DAB1: variants seen among roughly 807,000 people sequenced by gnomAD.
DAB1 encodes the protein DAB adaptor protein 1, also known as disabled homolog 1.
Under a neutral mutation model 64.6 loss-of-function variants are expected in DAB1, and 15 were observed. The ratio of observed to expected loss-of-function variants is 0.23; its 90% CI spans 0.16 to 0.36. The LOEUF is 0.36. Ranked by LOEUF, DAB1 falls within the 10% of genes least tolerant of loss-of-function variation. DAB1 has a pLI of 1.00. For synonymous variants in DAB1, 235 were observed against 251.9 expected (o/e 0.93, Z 0.64); for missense variants, 596 against 706.7 (o/e 0.84, Z 1.78).
intron 3 of DAB1, among the ~76,000 whole-genome samples, chr1:58,404,995 CT>C (rs1161800638): frequency 6.6e-6 from 1 of 152,204 alleles, no homozygotes; most frequent in Non-Finnish European, 1.5e-5. Flanking sequence ...ATTGAGCATC[CT>C]AATCCCCTGT....
intron 2 of DAB1, among the ~76,000 whole-genome samples, chr1:57,153,120 G>A (rs1659853300): frequency 6.6e-6 from 1 of 152,082 alleles, no homozygotes; most frequent in African/African-American, 2.4e-5. Flanking sequence ...CTGCCTCCCG[G>A]GTTCGAGCGA....
At chr1:57,622,489 A>G (rs1645871772) in intron 7 of DAB1, among the ~76,000 whole-genome samples, 1 of 152,234 alleles carries the variant, frequency 6.6e-6, no homozygotes, top group South Asian at 2.1e-4. Context: ...TGACTTAATG[A>G]TAACATATGG....
At chr1:58,420,027 A>T (rs1342819369) in intron 3 of DAB1, among the ~76,000 whole-genome samples, 1 of 152,272 alleles carries the variant, frequency 6.6e-6, no homozygotes, top group East Asian at 1.9e-4. Flanking sequence ...TTCCTATGTA[A>T]TCATTTCCTG....
chr1:57,537,942 A>AG (rs1644749713), intron 7 of DAB1, among the ~76,000 whole-genome samples: 1 of 152,004 alleles, frequency 6.6e-6, no homozygotes, highest in African/African-American at 2.4e-5. Context: ...AGAGAAGGCT[A>AG]GGGGGGCATG....
Position 58,300,606 on chromosome 1 carries a change from A to AAG in DAB1, n.309+42744_309+42745dup, listed in dbSNP as rs1557726053. Among the ~76,000 whole-genome samples, 169 of 38,014 alleles carry AAG rather than the reference A, an allele frequency of 4.4e-3. 3 individuals carry two copies. Among genetic ancestry groups the AAG allele is most frequent in the African/African-American group, 0.013 (163 of 12,084 alleles). The allele number at this position is 38,014 out of a possible 152,430, so 24.9% of individuals were successfully genotyped here. ...AAAGAAAGAAAGAAAGAAAGAAAGA[A>AAG]AGAAAGAGAGAGAGAGAGAGAGAGA... On this transcript the variant is annotated intron_variant and non_coding_transcript_variant, in intron 4 of 20. Transcript: ENST00000485760.
chr1:57,034,186 A>C (rs1421230424), intron 9 of DAB1, among the ~76,000 whole-genome samples: 1 of 150,576 alleles, frequency 6.6e-6, no homozygotes, highest in Non-Finnish European at 1.5e-5. Flanking sequence ...AAGCTGAGGC[A>C]GGAGAATCAC....
At chr1:57,086,592 A>G (rs1294433594) in intron 4 of DAB1, among the ~76,000 whole-genome samples, 1 of 151,810 alleles carries the variant, frequency 6.6e-6, no homozygotes, top group African/African-American at 2.4e-5. Flanking sequence ...TCCGTGACCC[A>G]CAGAAATTCA....
chr1:57,633,579 T>C (rs1303820323), intron 7 of DAB1, among the ~76,000 whole-genome samples: 2 of 152,204 alleles, frequency 1.3e-5, no homozygotes, highest in African/African-American at 2.4e-5. Flanking sequence ...AGGTGTCCCA[T>C]ATATTTTCTA....
At chr1:58,354,983 G>T (rs569366556) in intron 3 of DAB1, among the ~76,000 whole-genome samples, 2 of 152,104 alleles carry the variant, frequency 1.3e-5, no homozygotes, top group African/African-American at 4.8e-5. Flanking sequence ...TTACCTGGAC[G>T]AGGTCCAGCT....
At chr1:57,271,386 T>C (rs1199864844) in intron 2 of DAB1, among the ~76,000 whole-genome samples, 1 of 152,240 alleles carries the variant, frequency 6.6e-6, no homozygotes, top group African/African-American at 2.4e-5. Flanking sequence ...CAACTGGTTT[T>C]GGCAGGATGA....
At chr1:58,402,469 G>T (rs1210255347) in intron 3 of DAB1, among the ~76,000 whole-genome samples, 1 of 152,198 alleles carries the variant, frequency 6.6e-6, no homozygotes, top group Non-Finnish European at 1.5e-5. Context: ...TGCAATGGAA[G>T]AGAAAGACAG....
At chr1:57,893,291 C>T (rs1350253824) in intron 5 of DAB1, among the ~76,000 whole-genome samples, 2 of 152,114 alleles carry the variant, frequency 1.3e-5, no homozygotes, top group African/African-American at 4.8e-5. Context: ...CAGTCATTTA[C>T]TAACAACCCA....
intron 2 of DAB1, among the ~76,000 whole-genome samples, chr1:58,506,985 G>T (rs866342612): frequency 3.3e-5 from 5 of 152,000 alleles, no homozygotes; most frequent in African/African-American, 1.2e-4. Context: ...GTATATACTT[G>T]TATATGCACA....
At chr1:57,205,381 T>C (rs757896038) in intron 2 of DAB1, among the ~76,000 whole-genome samples, 7 of 152,188 alleles carry the variant, frequency 4.6e-5, no homozygotes, top group Non-Finnish European at 7.3e-5. Context: ...AAGTCTCTAC[T>C]CTCTGAGCGT....
intron 5 of DAB1, among the ~76,000 whole-genome samples, chr1:57,921,718 C>T (rs1477736448): frequency 2.0e-5 from 3 of 152,148 alleles, no homozygotes; most frequent in South Asian, 2.1e-4. Context: ...TCTTCCCCAC[C>T]GAGAAAGCAG....
intron 4 of DAB1, among the ~76,000 whole-genome samples, chr1:58,258,589 C>G (rs1007452801): frequency 2.6e-5 from 4 of 152,164 alleles, no homozygotes; most frequent in Admixed American, 1.3e-4. Context: ...TGGGCTATGG[C>G]TTGAGAACTC....
intron 3 of DAB1, among the ~76,000 whole-genome samples, chr1:58,492,218 A>G (rs1490380045): frequency 6.6e-6 from 1 of 152,234 alleles, no homozygotes; most frequent in East Asian, 1.9e-4. Flanking sequence ...GAAACCAACG[A>G]GAACAAAGAC....
intron 3 of DAB1, among the ~76,000 whole-genome samples, chr1:58,494,370 T>G (rs1247196931): frequency 1.3e-4 from 20 of 152,110 alleles, no homozygotes; most frequent in African/African-American, 4.8e-4. Flanking sequence ...AAGGACTTCA[T>G]GTCTAAAACA....
intron 4 of DAB1, among the ~76,000 whole-genome samples, chr1:58,312,528 T>C (rs1237062248): frequency 6.6e-6 from 1 of 152,198 alleles, no homozygotes; most frequent in Non-Finnish European, 1.5e-5. Flanking sequence ...GGCTGATGTT[T>C]ATCCTTTTGA....
Sources: allele counts gnomAD v4.1 joint callset (sites outside exome capture counted in the v4.1 genomes callset), GRCh38; gene constraint gnomAD v4.1.1; transcripts MANE v1.5; gene names NCBI Gene and HGNC (gene_info 2026-07-23, HGNC 2026-07-21).